The following FAR2 variants were observed in gnomAD, a reference collection of about 807,000 sequenced individuals.
The protein encoded by FAR2 is epididymis secretory protein Li 81.
Under a neutral mutation model 56.0 loss-of-function variants are expected in FAR2, and 19 were observed. The ratio of observed to expected loss-of-function variants is 0.34; its 90% CI spans 0.24 to 0.50. FAR2 has a LOEUF of 0.50. Among genes scored for constraint, FAR2 ranks in the 20% least tolerant of loss-of-function variants. The probability of loss-of-function intolerance (pLI) is 0.98; values close to 1 mark genes in which losing one functional copy is unlikely to be tolerated. For synonymous variants in FAR2, 219 were observed against 218.8 expected, an observed-to-expected ratio of 1.00 and a Z score of -0.01; for missense variants, 508 against 642.2, an observed-to-expected ratio of 0.79 and a Z score of 2.26.
chr12:29,211,915 GAC>G (rs145889155), intron 1 of FAR2, among the ~76,000 whole-genome samples: 14 of 147,760 alleles, frequency 9.5e-5, no homozygotes, highest in African/African-American at 3.3e-4. Context: ...TGGACACAGA[GAC>G]ACACACACAC....
intron 1 of FAR2, among the ~76,000 whole-genome samples, chr12:29,206,767 A>G (rs1383654215): frequency 1.3e-5 from 2 of 152,204 alleles, no homozygotes; most frequent in Non-Finnish European, 1.5e-5. Context: ...TGATGTAACT[A>G]CAGTGGGCTT....
chr12:29,246,854 T>C (rs981554651), intron 1 of FAR2, among the ~76,000 whole-genome samples: 3 of 152,156 alleles, frequency 2.0e-5, no homozygotes, highest in African/African-American at 7.2e-5. Flanking sequence ...GTATACTATT[T>C]GAAGTTTATT....
At chr12:29,224,656 G>A (rs7136407) in intron 1 of FAR2, among the ~76,000 whole-genome samples, 25,050 of 152,058 alleles carry the variant, frequency 0.16, 2,705 homozygotes, top group African/African-American at 0.31. Flanking sequence ...CTGGAACAGG[G>A]CCTTCATTCC....
intron 1 of FAR2, among the ~76,000 whole-genome samples, chr12:29,164,956 A>G (rs1949812605): frequency 6.6e-6 from 1 of 152,240 alleles, no homozygotes; most frequent in Non-Finnish European, 1.5e-5. Context: ...GCCTGGTGTC[A>G]TAAACAGATT....
chr12:29,174,326 G>T (rs1463723666), intron 1 of FAR2, among the ~76,000 whole-genome samples: 1 of 151,902 alleles, frequency 6.6e-6, no homozygotes, highest in Non-Finnish European at 1.5e-5. Flanking sequence ...ATGAGCCCGG[G>T]TGCCTAAAGA....
intron 1 of FAR2, among the ~76,000 whole-genome samples, chr12:29,226,767 GC>G (rs891369165): frequency 6.6e-6 from 1 of 151,990 alleles, no homozygotes; most frequent in Non-Finnish European, 1.5e-5. Flanking sequence ...CTCTAACCAT[GC>G]TTTTTTGTGT....
At chr12:29,263,494 C>T (rs1174183470) in intron 1 of FAR2, among the ~76,000 whole-genome samples, 1 of 151,834 alleles carries the variant, frequency 6.6e-6, no homozygotes, top group Non-Finnish European at 1.5e-5. Flanking sequence ...AACAACAAGA[C>T]CAATTTTGGA....
At chr12:29,181,235 GTTTTTTC>G (rs1949989142) in intron 1 of FAR2, among the ~76,000 whole-genome samples, 1 of 151,964 alleles carries the variant, frequency 6.6e-6, no homozygotes, top group Admixed American at 6.6e-5. Context: ...AAGGTTGAAT[GTTTTTTC>G]TTTTTTAATA....
intron 2 of FAR2, among the ~76,000 whole-genome samples, chr12:29,282,011 G>A (rs1272516837): frequency 1.3e-5 from 2 of 152,172 alleles, no homozygotes; most frequent in Non-Finnish European, 2.9e-5. Flanking sequence ...AGAATTACTA[G>A]AAAATCAAAG....
intron 1 of FAR2, among the ~76,000 whole-genome samples, chr12:29,184,068 A>G (rs1950015631): frequency 6.6e-6 from 1 of 152,216 alleles, no homozygotes; most frequent in Non-Finnish European, 1.5e-5. Flanking sequence ...AAAGAGTGGT[A>G]CCCTTTAAAA....
At chr12:29,170,195 G>C (rs1949871688) in intron 1 of FAR2, among the ~76,000 whole-genome samples, 1 of 152,350 alleles carries the variant, frequency 6.6e-6, no homozygotes, top group Admixed American at 6.5e-5. Flanking sequence ...CCCTGCTTCT[G>C]CAAGAGTTTC....
chr12:29,150,518 C>G (rs1949674122), intron 1 of FAR2, among the ~76,000 whole-genome samples: 1 of 152,170 alleles, frequency 6.6e-6, no homozygotes, highest in Non-Finnish European at 1.5e-5. Context: ...AATTACCCAT[C>G]TCTGTATATT....
At chr12:29,331,164 G>A (rs1949725882) in intron 10 of FAR2, among the ~76,000 whole-genome samples, 1 of 150,686 alleles carries the variant, frequency 6.6e-6, no homozygotes, top group Non-Finnish European at 1.5e-5. Context: ...TAAGAGTAAC[G>A]AGCAACTTTC....
intron 1 of FAR2, among the ~76,000 whole-genome samples, chr12:29,158,551 C>T (rs1027295585): frequency 1.4e-4 from 21 of 152,180 alleles, no homozygotes; most frequent in Non-Finnish European, 2.2e-4. Flanking sequence ...GCAGTCCTGC[C>T]GGAGGCAATG....
intron 2 of FAR2, among the ~76,000 whole-genome samples, chr12:29,272,696 TGGA>T (rs1948638813): frequency 6.6e-6 from 1 of 152,364 alleles, no homozygotes; most frequent in African/African-American, 2.4e-5. Context: ...TGTGATCATT[TGGA>T]GGAGAAGAGG....
intron 1 of FAR2, among the ~76,000 whole-genome samples, chr12:29,190,214 G>A (rs1003410507): frequency 5.9e-5 from 9 of 152,014 alleles, no homozygotes; most frequent in South Asian, 2.1e-4. Context: ...GAGCTCCTGC[G>A]AGGAGTCTGG....
rs1243668781 is a variant in FAR2, at chr12:29,333,614, T to C, written c.1386-18T>C. 1.2e-6 allele frequency: 2 copies of C among 1,606,028 alleles called. No homozygotes were observed. The highest frequency in any genetic ancestry group is 2.2e-5 in the South Asian group (2 of 89,568). On this transcript the variant is annotated intron_variant, in intron 11 of 11. Transcript: ENST00000536681. Reference sequence around the variant, plus strand: ...TATCTGGTAGTTTTAACTTTGGTTATGTCTGTCTGTTCCCTAGGCTCCGAA... The same window carrying C: ...TATCTGGTAGTTTTAACTTTGGTTACGTCTGTCTGTTCCCTAGGCTCCGAA...
chr12:29,248,376 A>G (rs1318410680), intron 1 of FAR2, among the ~76,000 whole-genome samples: 1 of 152,186 alleles, frequency 6.6e-6, no homozygotes, highest in East Asian at 1.9e-4. Context: ...CAGGGGAGAC[A>G]TCACATGTCG....
At chr12:29,195,704 G>GT (rs1352444786) in intron 1 of FAR2, among the ~76,000 whole-genome samples, 6 of 152,060 alleles carry the variant, frequency 3.9e-5, no homozygotes, top group African/African-American at 1.4e-4. Flanking sequence ...ATTTTTTATT[G>GT]TTTTTTATTC....
Sources: gnomAD v4.1 joint callset for allele counts (sites outside exome capture counted in the v4.1 genomes callset) on GRCh38, gnomAD v4.1.1 for gene constraint, MANE v1.5 for transcripts, NCBI Gene and HGNC (gene_info 2026-07-23, HGNC 2026-07-21) for gene names.